Variants in ODAPH observed in about 807,000 individuals in gnomAD.
The protein encoded by ODAPH is odontogenesis associated phosphoprotein, also known as amelogenesis imperfecta type IIA4.
ODAPH carries 2 observed loss-of-function variants against 2.8 expected under a neutral mutation model. That is an observed-to-expected ratio of 0.72 (90% CI 0.30 to 2.28). ODAPH has a LOEUF of 2.28. Ranked by LOEUF, ODAPH falls within the 30% of genes most tolerant of loss-of-function variation. The pLI is 0.13. For missense variants in ODAPH, 159 were observed against 163.3 expected (o/e 0.97, Z 0.14); for synonymous variants, 75 against 60.3 (o/e 1.24, Z -1.13).
chr4:75,562,417 G>C (rs982307871), intron 1 of ODAPH, among the ~76,000 whole-genome samples: 1 of 147,512 alleles, frequency 6.8e-6, no homozygotes, highest in Non-Finnish European at 1.5e-5. Flanking sequence ...TCGGCTCACC[G>C]CAACCTCCAC....
At position 75,564,407 on chromosome 4, in the gene ODAPH, C is replaced by T. The variant is rs150408808; in HGVS notation, c.361C>T (p.Leu121Phe). The change falls in exon 2 of 2, where the codon CTC becomes TTC. Residue 121 changes from leucine to phenylalanine, a missense_variant. Coordinates refer to ENST00000311623, the MANE Select transcript of ODAPH (RefSeq NM_178497.5). ...LTYRYFPRRR[L>F]QRGSSSEES ...TTATAGGTATTTCCCCAGAAGAAGA[C>T]TCCAGAGAGGAAGCTCATCTGAGGA... 2.5e-6 allele frequency: 4 copies of T among 1,614,148 alleles called. No individual in the cohort carries two copies. The highest frequency in any genetic ancestry group is 1.1e-5 in the South Asian group (1 of 91,090).
chr4:75,562,944 C>CT (rs898791397), intron 1 of ODAPH, among the ~76,000 whole-genome samples: 2 of 122,684 alleles, frequency 1.6e-5, no homozygotes, highest in East Asian at 5.4e-4. Flanking sequence ...TAATTAAGTT[C>CT]TTTTTTTCAG....
chr4:75,556,831 G>A (rs1270006914), intron 1 of ODAPH, among the ~76,000 whole-genome samples: 1 of 152,158 alleles, frequency 6.6e-6, no homozygotes, highest in African/African-American at 2.4e-5. Context: ...TACAAGGGGA[G>A]GAAATCTTGG....
intron 1 of ODAPH, among the ~76,000 whole-genome samples, chr4:75,556,810 A>G (rs1323695126): frequency 1.3e-5 from 2 of 152,210 alleles, no homozygotes; most frequent in African/African-American, 4.8e-5. Flanking sequence ...GAAGGGATGA[A>G]AAGAGGGAAA....
chr4:75,562,591 C>A (rs945155971), intron 1 of ODAPH, among the ~76,000 whole-genome samples: 5 of 152,096 alleles, frequency 3.3e-5, no homozygotes, highest in Non-Finnish European at 5.9e-5. Context: ...CCGCCCACCT[C>A]GGCCTCCCAA....
At chr4:75,556,644 G>C in intron 1 of ODAPH, 1 of 1,310,828 alleles carries the variant, frequency 7.6e-7, no homozygotes, top group Non-Finnish European at 1.1e-6. Context: ...CTGCATTTTG[G>C]TGCCACAGAG....
At chr4:75,560,817 G>C (rs75611743) in intron 1 of ODAPH, among the ~76,000 whole-genome samples, 1 of 152,206 alleles carries the variant, frequency 6.6e-6, no homozygotes, top group African/African-American at 2.4e-5. Context: ...CACAAGAGGC[G>C]GGTGGGTGGG....
At position 75,564,526 on chromosome 4, in the gene ODAPH, G is replaced by A. The variant is rs752890853; in HGVS notation, c.*87G>A. On this transcript the variant is annotated 3_prime_UTR_variant, in exon 2 of 2. Transcript: ENST00000311623. ...CAAAAAGATTTCTGTTTTATCTTTC[G>A]AAACTAAAACTATTGGATTTGAAGA... The A allele has an allele frequency of 3.0e-5, 48 of 1,608,022 alleles. No individual in the cohort carries two copies. The highest frequency in any genetic ancestry group is 3.6e-5 in the Non-Finnish European group (42 of 1,178,738).
chr4:75,556,963 G>A (rs1033315742), intron 1 of ODAPH, among the ~76,000 whole-genome samples: 13 of 152,110 alleles, frequency 8.5e-5, no homozygotes, highest in Non-Finnish European at 2.9e-5. Context: ...TGGGTAGGGG[G>A]CTTTGCAGGG....
At chr4:75,559,327 T>C (rs575843584) in intron 1 of ODAPH, among the ~76,000 whole-genome samples, 2 of 152,358 alleles carry the variant, frequency 1.3e-5, no homozygotes, top group African/African-American at 2.4e-5. Flanking sequence ...TTAATAACCG[T>C]AGCTAACACT....
downstream of ODAPH, chr4:75,565,835 T>C (rs1727792775): frequency 6.6e-6 from 1 of 151,842 alleles, no homozygotes; most frequent in Non-Finnish European, 1.5e-5. Flanking sequence ...AGAGATAAAA[T>C]CATCATGCTA....
rs146989294 is a variant in ODAPH, at chr4:75,556,343, C to G, written c.67+194C>G. Among the ~76,000 whole-genome samples the G allele has an allele frequency of 4.6e-5, 7 of 152,336 alleles. No individual in the cohort carries two copies. In the East Asian group the frequency reaches 9.6e-4, roughly 21 times the overall value. Reference sequence around the variant, plus strand: ...CTTGGTCCTCGTCTCAGCAATAGCTCTGTGACTTTAGACACACTTAAAATC... The same window carrying G: ...CTTGGTCCTCGTCTCAGCAATAGCTGTGTGACTTTAGACACACTTAAAATC... On this transcript the variant is annotated intron_variant, in intron 1 of 1. Transcript: ENST00000311623.
intron 1 of ODAPH, among the ~76,000 whole-genome samples, chr4:75,559,131 C>G (rs1421296402): frequency 2.0e-5 from 3 of 152,216 alleles, no homozygotes; most frequent in African/African-American, 7.2e-5. Flanking sequence ...CTGAGCACCA[C>G]TATAAGCCAG....
chr4:75,556,591 A>G lies in ODAPH; in HGVS notation c.67+442A>G, dbSNP rs185173651. On this transcript the variant is annotated intron_variant, in intron 1 of 1. Coordinates refer to ENST00000311623, the MANE Select transcript of ODAPH (RefSeq NM_178497.5). ...GCATATTAATTTGCACATGGTGGGTATTTAGTCTTTGTTCATTGCTTTAAT... is the reference window on the plus strand; with the variant it reads ...GCATATTAATTTGCACATGGTGGGTGTTTAGTCTTTGTTCATTGCTTTAAT... 90 of 1,532,974 alleles carry G rather than the reference A, an allele frequency of 5.9e-5. No homozygotes were observed. The African/African-American group carries it at 1.1e-3, about 20-fold the overall frequency. The allele number at this position is 1,532,974 out of a possible 1,614,324, so 95.0% of individuals were successfully genotyped here. A position where few individuals can be genotyped will look rare whatever the true frequency, so the allele number is the denominator to read the frequency against.
intron 1 of ODAPH, among the ~76,000 whole-genome samples, chr4:75,558,641 C>T (rs1279129891): frequency 6.6e-6 from 1 of 151,996 alleles, no homozygotes; most frequent in East Asian, 1.9e-4. Flanking sequence ...TATTCAAATT[C>T]CAAGCAATAT....
At chr4:75,558,664 T>G (rs778089182) in intron 1 of ODAPH, among the ~76,000 whole-genome samples, 1 of 152,064 alleles carries the variant, frequency 6.6e-6, no homozygotes, top group Non-Finnish European at 1.5e-5. Flanking sequence ...TGCCTTGTTT[T>G]TTCTATTATA....
At chr4:75,561,084 C>A (rs1001320637) in intron 1 of ODAPH, among the ~76,000 whole-genome samples, 1 of 151,968 alleles carries the variant, frequency 6.6e-6, no homozygotes, top group South Asian at 2.1e-4. Context: ...ATTAGCCGGG[C>A]GTGGTGGCGC....
intron 1 of ODAPH, among the ~76,000 whole-genome samples, chr4:75,561,422 A>T (rs1435300196): frequency 6.6e-6 from 1 of 152,066 alleles, no homozygotes; most frequent in Admixed American, 6.6e-5. Flanking sequence ...GCTGTGGGAG[A>T]AGGGGTTGGT....
At chr4:75,556,438 G>C (rs561080548) in intron 1 of ODAPH, 1 of 956,290 alleles carries the variant, frequency 1.0e-6, no homozygotes, top group Admixed American at 2.0e-5. Flanking sequence ...GGTTTGCAAG[G>C]ACCAAATGAG....
Sources: allele counts gnomAD v4.1 joint callset (sites outside exome capture counted in the v4.1 genomes callset), GRCh38; gene constraint gnomAD v4.1.1; transcripts MANE v1.5; gene names NCBI Gene and HGNC (gene_info 2026-07-23, HGNC 2026-07-21).